The following CECR2 variants were observed in gnomAD, a reference collection of about 807,000 sequenced individuals.
CECR2 encodes the protein CECR2 histone acetyl-lysine reader, also known as chromatin remodeling regulator CECR2.
A neutral mutation model predicts 154.5 loss-of-function variants in CECR2; 30 were observed. The observed-to-expected ratio is 0.19, with a 90% CI of 0.15 to 0.26. The LOEUF is 0.26. CECR2 is among the 10% of genes least tolerant of loss of function. The probability of loss-of-function intolerance (pLI) is 1.00; values close to 1 mark genes in which losing one functional copy is unlikely to be tolerated. For missense variants in CECR2, 1,743 were observed against 1,829.3 expected, an observed-to-expected ratio of 0.95 and a Z score of 0.86; for synonymous variants, 725 against 683.7, an observed-to-expected ratio of 1.06 and a Z score of -0.94.
intron 17 of CECR2, 64 bp from the exon 18 acceptor site, chr22:17,551,967 C>A (rs985862546): frequency 6.7e-7 from 1 of 1,495,216 alleles, no homozygotes; most frequent in African/African-American, 1.4e-5. Flanking sequence ...ACTACAGTGT[C>A]TTGTTTCTTC....
rs1304032847 is a variant in CECR2 at position 17,558,109 on chromosome 22, A to G, written c.*5269A>G. The G allele has an allele frequency of 1.3e-5, 2 of 152,334 alleles. No homozygotes were observed. Among genetic ancestry groups the G allele is most frequent in the East Asian group, 1.9e-4 (1 of 5,184 alleles). 9.4% of individuals were successfully genotyped at this position (152,334 alleles called of 1,614,324 possible). ...TGGAGGTCTGTAGATTTATTTCCAT[A>G]TGAACTGGTTATTTTGTATAAAGTA... On this transcript the variant is annotated 3_prime_UTR_variant, in exon 19 of 19. Transcript: ENST00000262608.
At chr22:17,504,216 A>T (rs1489762699) in intron 6 of CECR2, among the ~76,000 whole-genome samples, 1 of 151,736 alleles carries the variant, frequency 6.6e-6, no homozygotes, top group Non-Finnish European at 1.5e-5. Flanking sequence ...TACGAAAAAT[A>T]CAAAAGTTTA....
chr22:17,536,262 AAAAAG>A (rs869053005), intron 9 of CECR2, among the ~76,000 whole-genome samples: 2 of 152,154 alleles, frequency 1.3e-5, no homozygotes, highest in African/African-American at 4.8e-5. Flanking sequence ...AATAAAAATA[AAAAAG>A]AAAAGAAAAT....
At position 17,557,398 on chromosome 22, in the gene CECR2, C is replaced by G. The variant is rs1273127515; in HGVS notation, c.*4558C>G. The G allele has an allele frequency of 1.3e-5, 2 of 152,158 alleles. No homozygotes were observed. Among genetic ancestry groups the G allele is most frequent in the African/African-American group, 4.8e-5 (2 of 41,440 alleles). 9.4% of individuals were successfully genotyped at this position (152,158 alleles called of 1,614,324 possible). A position where few individuals can be genotyped will look rare whatever the true frequency, so the allele number is the denominator to read the frequency against. ...TCCTGACCTCAGGTGATCCACCCGC[C>G]TTGGCCTCCCAACATGCTGGGATTA... On this transcript the variant is annotated 3_prime_UTR_variant, in exon 19 of 19. Transcript: ENST00000262608.
intron 1 of CECR2, chr22:17,419,705 G>GGCTGTTTCCTCCTTCGT (rs2054215435): frequency 6.1e-5 from 7 of 114,726 alleles, no homozygotes; most frequent in Admixed American, 4.9e-4. Flanking sequence ...TGGCGAGCTG[G>GGCTGTTTCCTCCTTCGT]AGCTAGAGAG....
At chr22:17,421,012 CATGT>C (rs2054237796) in intron 1 of CECR2, among the ~76,000 whole-genome samples, 1 of 152,152 alleles carries the variant, frequency 6.6e-6, no homozygotes, top group South Asian at 2.1e-4. Context: ...TACTTAGAGA[CATGT>C]ATAAGTACAC....
chr22:17,494,102 C>G (rs2055578332), intron 2 of CECR2, among the ~76,000 whole-genome samples: 1 of 152,194 alleles, frequency 6.6e-6, no homozygotes, highest in South Asian at 2.1e-4. Flanking sequence ...TTCTTTCTTT[C>G]TTTCTTTCTT....
intron 1 of CECR2, among the ~76,000 whole-genome samples, chr22:17,472,911 A>G (rs1359269209): frequency 2.0e-5 from 3 of 152,200 alleles, no homozygotes; most frequent in Non-Finnish European, 4.4e-5. Context: ...GCCGAAGTGC[A>G]GAATGGTAAA....
At chr22:17,360,788 T>A (rs1202679660) in intron 1 of CECR2, among the ~76,000 whole-genome samples, 2 of 150,434 alleles carry the variant, frequency 1.3e-5, no homozygotes, top group African/African-American at 4.9e-5. Context: ...GAGGTTGCCA[T>A]GAGCCAAGAT....
intron 7 of CECR2, among the ~76,000 whole-genome samples, chr22:17,506,618 G>A (rs1033585796): frequency 3.3e-5 from 5 of 152,006 alleles, no homozygotes; most frequent in African/African-American, 9.7e-5. Flanking sequence ...TAACAGCCAC[G>A]ACACTTAATG....
chr22:17,537,144 C>T lies in CECR2; in HGVS notation c.1150C>T (p.Leu384=). The T allele has an allele frequency of 6.2e-7, 1 of 1,613,970 alleles. No homozygotes were observed. The highest frequency in any genetic ancestry group is 8.5e-7 in the Non-Finnish European group (1 of 1,179,868). Residue 384 remains leucine, a synonymous_variant, in exon 10 of 19, where the codon CTG becomes TTG. Coordinates refer to ENST00000262608, the MANE Select transcript of CECR2 (RefSeq NM_001290047.2). ...AAAGCTCAGGGAAGAAAGGGCATGG[C>T]TGCTGGCTCAAGGAAAGGAGCTCCC... The part of the protein sequence containing the change: ...RRKLREERAW[L]LAQGKELPPE...
Position 17,540,642 on chromosome 22 carries a change from T to C in CECR2, c.1726T>C (p.Ser576Pro), listed in dbSNP as rs1569152117. ...KQQPMENGGK[S>P]LPPTRRAPSS... The stretch of plus-strand genomic sequence containing the variant: ...GCAGCCCATGGAGAATGGAGGAAAG[T>C]CGTTGCCCCCCACACGCCGAGCGCC... The change falls in exon 14 of 19, where the codon TCG becomes CCG. Residue 576 changes from serine to proline, a missense_variant. Physicochemically the swap from Ser to Pro is moderately conservative, Grantham distance 74. Coordinates refer to ENST00000262608, the MANE Select transcript of CECR2 (RefSeq NM_001290047.2). 1 of 1,613,786 alleles carries C rather than the reference T, an allele frequency of 6.2e-7. No individual in the cohort carries two copies. The highest frequency in any genetic ancestry group is 8.5e-7 in the Non-Finnish European group (1 of 1,179,828).
Position 17,510,795 on chromosome 22 carries a change from T to C in CECR2, c.871-1018T>C, listed in dbSNP as rs780720899. Among the ~76,000 whole-genome samples the C allele has an allele frequency of 9.9e-5, 15 of 152,234 alleles. No homozygotes were observed. The East Asian group carries it at 1.7e-3, about 18-fold the overall frequency. The stretch of plus-strand genomic sequence containing the variant: ...TTTTTGTGTGTGTGTTTAGTAGAGA[T>C]GGGGTTTCACCATGTTGGTCAGGAT... On this transcript the variant is annotated intron_variant, in intron 7 of 18. Coordinates refer to ENST00000262608, the MANE Select transcript of CECR2 (RefSeq NM_001290047.2).
At chr22:17,367,785 T>C (rs186806652), upstream of CECR2, among the ~76,000 whole-genome samples, 2 of 152,204 alleles carry the variant, frequency 1.3e-5, no homozygotes, top group African/African-American at 4.8e-5. Context: ...ACGTGACAAT[T>C]CCGGGGTGGC....
At chr22:17,378,225 C>A (rs1051398208) in intron 1 of CECR2, among the ~76,000 whole-genome samples, 1 of 149,746 alleles carries the variant, frequency 6.7e-6, no homozygotes, top group Non-Finnish European at 1.5e-5. Flanking sequence ...CCTTGTGATC[C>A]GCCCGCCTTG....
At chr22:17,453,219 A>G (rs1431935844) in intron 1 of CECR2, among the ~76,000 whole-genome samples, 1 of 152,160 alleles carries the variant, frequency 6.6e-6, no homozygotes, top group Non-Finnish European at 1.5e-5. Flanking sequence ...AGGCGGGTGG[A>G]TCACCTGAGG....
At chr22:17,439,665 C>A (rs2054555454) in intron 1 of CECR2, among the ~76,000 whole-genome samples, 1 of 152,058 alleles carries the variant, frequency 6.6e-6, no homozygotes, top group Non-Finnish European at 1.5e-5. Context: ...TTTTGAAAAA[C>A]AATCTGGTAG....
chr22:17,408,929 CG>C (rs1314198217), intron 1 of CECR2, among the ~76,000 whole-genome samples: 1 of 152,176 alleles, frequency 6.6e-6, no homozygotes, highest in Non-Finnish European at 1.5e-5. Flanking sequence ...TTCCTTACCT[CG>C]TACCATTCTC....
rs1391566594 is a variant in CECR2 at position 17,477,609 on chromosome 22, A to G, written c.148A>G (p.Arg50Gly). Residue 50 changes from arginine (R) to glycine (G), a missense_variant, in exon 2 of 19, where the codon AGA becomes GGA. By Grantham distance (125) the Arg-to-Gly change is moderately radical. This residue lies in a region of CECR2 where 98 missense variants were observed against 169.3 expected (regional missense o/e 0.58). Transcript: ENST00000262608. Reference protein sequence around the residue: ...EIEELEAALHRDDVEFISDLI... With the variant: ...EIEELEAALHGDDVEFISDLI... ...TCAGGAGTTAGAAGCCGCTCTTCACAGAGATGACGTGGAGTTTATCAGTGA... is the reference window on the plus strand; with the variant it reads ...TCAGGAGTTAGAAGCCGCTCTTCACGGAGATGACGTGGAGTTTATCAGTGA... 1.2e-6 allele frequency: 2 copies of G among 1,613,220 alleles called. No individual in the cohort carries two copies. Among genetic ancestry groups the G allele is most frequent in the Non-Finnish European group, 1.7e-6 (2 of 1,179,292 alleles).
Sources: gnomAD v4.1 joint callset for allele counts (sites outside exome capture counted in the v4.1 genomes callset) on GRCh38, gnomAD v4.1.1 for gene constraint, gnomAD v4.1.1 regional missense constraint, MANE v1.5 for transcripts, NCBI Gene and HGNC (gene_info 2026-07-23, HGNC 2026-07-21) for gene names.